The following DAAM1 variants were observed in gnomAD, a reference collection of about 807,000 sequenced individuals.
DAAM1 encodes the protein dishevelled associated activator of morphogenesis 1.
In DAAM1, 52 loss-of-function variants were observed where a neutral mutation model predicts 130.0. The observed-to-expected ratio is 0.40, with a 90% CI of 0.32 to 0.50. DAAM1 has a LOEUF of 0.50. Among genes scored for constraint, DAAM1 ranks in the 20% least tolerant of loss-of-function variants. The pLI, the probability that DAAM1 is intolerant of heterozygous loss-of-function variation, is 0.61. For synonymous variants in DAAM1, 452 were observed against 444.5 expected (o/e 1.02, Z -0.21); for missense variants, 1,134 against 1,303.8 (o/e 0.87, Z 2.01).
rs150634741 is a variant in DAAM1 at position 59,279,177 on chromosome 14, C to T, written c.184-12040C>T. ...CCGCCATAGTTTATAACACTTCCAG[C>T]ATCCCATCTCCCCTTGTGCCCATTT... On this transcript the variant is annotated intron_variant, in intron 2 of 24. Transcript: ENST00000360909. 2.0e-3 allele frequency among the ~76,000 whole-genome samples: 310 copies of T among 152,256 alleles called. 1 individual carries two copies. The highest frequency in any genetic ancestry group is 7.0e-3 in the African/African-American group (290 of 41,548).
Position 59,222,860 on chromosome 14 carries a change from T to C in DAAM1, c.-38+34092T>C, listed in dbSNP as rs74951129. ...CATGCCATTGGCTACAGCCCATGAATTGGGTATATAATTGCATGTCTGGCC... is the reference window on the plus strand; with the variant it reads ...CATGCCATTGGCTACAGCCCATGAACTGGGTATATAATTGCATGTCTGGCC... On this transcript the variant is annotated intron_variant, in intron 1 of 24. Transcript: ENST00000360909. Among the ~76,000 whole-genome samples the C allele has an allele frequency of 2.2e-3, 328 of 152,338 alleles. 1 individual carries two copies. The highest frequency in any genetic ancestry group is 7.7e-3 in the African/African-American group (321 of 41,570).
intron 2 of DAAM1, among the ~76,000 whole-genome samples, chr14:59,289,680 G>C (rs1310382409): frequency 6.7e-6 from 1 of 150,210 alleles, no homozygotes; most frequent in Admixed American, 6.7e-5. Flanking sequence ...ATATGCACTT[G>C]TATGTTCATT....
intron 19 of DAAM1, 106 bp from the exon 20 acceptor site, chr14:59,355,059 A>G (rs1263721726): frequency 1.6e-5 from 23 of 1,411,164 alleles, no homozygotes; most frequent in Non-Finnish European, 2.1e-5. Flanking sequence ...TACATCTTCA[A>G]TATCTGTTAT....
intron 3 of DAAM1, among the ~76,000 whole-genome samples, chr14:59,307,173 C>T (rs1884409821): frequency 1.3e-5 from 2 of 152,198 alleles, no homozygotes; most frequent in Admixed American, 1.3e-4. Context: ...GTCATCTCTA[C>T]TTTTGTCTCA....
intron 2 of DAAM1, among the ~76,000 whole-genome samples, chr14:59,289,767 G>T (rs1450724129): frequency 9.1e-6 from 1 of 110,216 alleles, no homozygotes; most frequent in African/African-American, 3.6e-5. Context: ...AACAAAATGT[G>T]ATATATATAT....
At chr14:59,192,152 GT>G (rs1566641378) in intron 1 of DAAM1, among the ~76,000 whole-genome samples, 65 of 43,282 alleles carry the variant, frequency 1.5e-3, no homozygotes, top group Non-Finnish European at 2.2e-3. Flanking sequence ...GTTAAGGGGT[GT>G]GTGTGTGTGT....
At position 59,293,357 on chromosome 14, in the gene DAAM1, C is replaced by G. The variant is rs533947512; in HGVS notation, c.273+2051C>G. On this transcript the variant is annotated intron_variant, in intron 3 of 24. Transcript: ENST00000360909. ...GAGAATAGTAATGACCTCGGGCTTG[C>G]AGCTGCTGCTCATTTTTCAATTTCC... Among the ~76,000 whole-genome samples the G allele has an allele frequency of 4.0e-4, 61 of 152,326 alleles. No homozygotes were observed. In the East Asian group the frequency reaches 8.5e-3, roughly 21 times the overall value.
At chr14:59,280,612 A>G (rs1482583563) in intron 2 of DAAM1, among the ~76,000 whole-genome samples, 2 of 148,674 alleles carry the variant, frequency 1.3e-5, no homozygotes, top group Non-Finnish European at 3.0e-5. Flanking sequence ...TGAATAGAAC[A>G]AATTGAGTTC....
At chr14:59,308,260 TTA>T (rs1884446948) in intron 3 of DAAM1, among the ~76,000 whole-genome samples, 1 of 152,200 alleles carries the variant, frequency 6.6e-6, no homozygotes. Flanking sequence ...TATGATGAAC[TTA>T]TAGAAAATTT....
chr14:59,244,448 T>C (rs1555357745), intron 1 of DAAM1, among the ~76,000 whole-genome samples: 1 of 152,206 alleles, frequency 6.6e-6, no homozygotes, highest in Non-Finnish European at 1.5e-5. Flanking sequence ...TGAGATGGCT[T>C]GAGAAGCCGG....
intron 1 of DAAM1, among the ~76,000 whole-genome samples, chr14:59,213,891 C>T (rs1332691165): frequency 6.6e-6 from 1 of 152,206 alleles, no homozygotes; most frequent in East Asian, 1.9e-4. Flanking sequence ...ATTGGGCAAG[C>T]AGAATCTGCC....
At chr14:59,326,362 C>G (rs1885203428) in intron 10 of DAAM1, 148 bp from the exon 11 acceptor site, 1 of 818,798 alleles carries the variant, frequency 1.2e-6, no homozygotes, top group Non-Finnish European at 1.8e-6. Context: ...CATTGCATGT[C>G]AAAATTCCAT....
intron 1 of DAAM1, among the ~76,000 whole-genome samples, chr14:59,224,360 C>T (rs1888870929): frequency 6.6e-6 from 1 of 152,188 alleles, no homozygotes; most frequent in African/African-American, 2.4e-5. Context: ...AATCATCACC[C>T]CTGCAACTTT....
At chr14:59,356,021 T>A (rs1886466677) in intron 20 of DAAM1, among the ~76,000 whole-genome samples, 1 of 152,212 alleles carries the variant, frequency 6.6e-6, no homozygotes, top group Non-Finnish European at 1.5e-5. Flanking sequence ...AGATTCTCAT[T>A]AAAGACACCA....
At chr14:59,300,301 A>G (rs1884117873) in intron 3 of DAAM1, among the ~76,000 whole-genome samples, 1 of 152,234 alleles carries the variant, frequency 6.6e-6, no homozygotes, top group African/African-American at 2.4e-5. Flanking sequence ...AAGTTGCAGC[A>G]TTGTAATTCA....
intron 1 of DAAM1, among the ~76,000 whole-genome samples, chr14:59,216,524 C>G (rs767269975): frequency 1.1e-4 from 17 of 152,154 alleles, no homozygotes; most frequent in Admixed American, 2.0e-4. Flanking sequence ...AGTTCGAGAC[C>G]AGCCTGGCCA....
chr14:59,213,299 A>G (rs1053208801), intron 1 of DAAM1, among the ~76,000 whole-genome samples: 2 of 122,686 alleles, frequency 1.6e-5, no homozygotes, highest in Non-Finnish European at 3.2e-5. Context: ...TCTTATATAT[A>G]TTGAGATTCT....
intron 16 of DAAM1, among the ~76,000 whole-genome samples, chr14:59,345,630 AG>A (rs1886043993): frequency 2.0e-5 from 3 of 152,152 alleles, no homozygotes; most frequent in Admixed American, 1.3e-4. Context: ...TGCCTCATCC[AG>A]CTTCACCTGG....
At chr14:59,189,689 A>T (rs962851767) in intron 1 of DAAM1, among the ~76,000 whole-genome samples, 3 of 152,174 alleles carry the variant, frequency 2.0e-5, no homozygotes, top group African/African-American at 7.2e-5. Context: ...CTGAAAGCCA[A>T]CTGCTTGTGA....
Sources: gnomAD v4.1 joint callset for allele counts (sites outside exome capture counted in the v4.1 genomes callset) on GRCh38, gnomAD v4.1.1 for gene constraint, MANE v1.5 for transcripts, NCBI Gene and HGNC (gene_info 2026-07-23, HGNC 2026-07-21) for gene names.